Variants in SEC24A observed in about 807,000 individuals in gnomAD.
SEC24A encodes the protein protein transport protein Sec24A.
SEC24A carries 93 observed loss-of-function variants against 129.4 expected under a neutral mutation model. The ratio of observed to expected loss-of-function variants is 0.72; its 90% CI spans 0.61 to 0.85. The LOEUF (loss-of-function observed/expected upper bound fraction) is 0.85. Ranked by LOEUF, SEC24A falls within the 40% of genes least tolerant of loss-of-function variation. The pLI is 0.00. For missense variants in SEC24A, 1,264 were observed against 1,307.4 expected (o/e 0.97, Z 0.51); for synonymous variants, 460 against 467.3 (o/e 0.98, Z 0.20).
At chr5:134,693,015 C>G in intron 12 of SEC24A, 1 of 1,535,178 alleles carries the variant, frequency 6.5e-7, no homozygotes, top group Non-Finnish European at 8.7e-7. Context: ...GTGCCCTTTG[C>G]TTTTCTGATT....
chr5:134,713,209 G>T (rs943075438), intron 18 of SEC24A, among the ~76,000 whole-genome samples: 1 of 151,988 alleles, frequency 6.6e-6, no homozygotes, highest in Admixed American at 6.6e-5. Context: ...GGGATTATAG[G>T]CGTGAGCCAC....
At chr5:134,709,925 A>C (rs1752270927) in intron 18 of SEC24A, among the ~76,000 whole-genome samples, 1 of 151,930 alleles carries the variant, frequency 6.6e-6, no homozygotes, top group South Asian at 2.1e-4. Flanking sequence ...TTTGAGACAG[A>C]GTCTTGCTCT....
Position 134,649,126 on chromosome 5 carries a change from A to G in SEC24A, c.50A>G (p.Gln17Arg), listed in dbSNP as rs764678742. 1.9e-6 allele frequency: 3 copies of G among 1,609,928 alleles called. No individual in the cohort carries two copies. The highest frequency in any genetic ancestry group is 2.5e-6 in the Non-Finnish European group (3 of 1,178,284). Residue 17 changes from glutamine (Q) to arginine (R), a missense_variant, in exon 1 of 23, where the codon CAG becomes CGG. By Grantham distance (43) the Gln-to-Arg change is conservative. Coordinates refer to ENST00000398844, the MANE Select transcript of SEC24A (RefSeq NM_021982.3). ...PASGGAPASL[Q>R]AQNGAALASG... ...TCCGGCGGCGCCCCAGCCAGCCTCC[A>G]GGCCCAGAACGGAGCCGCCTTGGCC...
chr5:134,715,299 C>T, intron 19 of SEC24A, 138 bp downstream of exon 19: 1 of 772,594 alleles, frequency 1.3e-6, no homozygotes, highest in South Asian at 2.1e-5. Context: ...TTGGCTAAGT[C>T]TGAGTAAATA....
chr5:134,680,629 C>G (rs923150200), intron 8 of SEC24A, among the ~76,000 whole-genome samples: 1 of 151,572 alleles, frequency 6.6e-6, no homozygotes, highest in Non-Finnish European at 1.5e-5. Flanking sequence ...CCACTGCACC[C>G]GGCCAAGAGT....
At chr5:134,719,464 G>T (rs759008305) in intron 20 of SEC24A, among the ~76,000 whole-genome samples, 4 of 151,852 alleles carry the variant, frequency 2.6e-5, no homozygotes, top group Non-Finnish European at 4.4e-5. Flanking sequence ...GGCCGAGGAT[G>T]GCAGATTCCT....
Position 134,654,511 on chromosome 5 carries a change from C to G in SEC24A, c.97+5338C>G, listed in dbSNP as rs111486676. ...CTGGGATTACAGGCGTGAGCCACTGCGCCCAGCTGAGAGGTTTTTCTAAGT... is the reference window on the plus strand; with the variant it reads ...CTGGGATTACAGGCGTGAGCCACTGGGCCCAGCTGAGAGGTTTTTCTAAGT... On this transcript the variant is annotated intron_variant, in intron 1 of 22. Transcript: ENST00000398844. Among the ~76,000 whole-genome samples the G allele has an allele frequency of 3.7e-3, 558 of 152,126 alleles. 3 individuals carry two copies. Among genetic ancestry groups the G allele is most frequent in the African/African-American group, 0.013 (534 of 41,510 alleles).
intron 11 of SEC24A, among the ~76,000 whole-genome samples, chr5:134,691,245 T>C (rs537747481): frequency 7.4e-5 from 11 of 148,598 alleles, no homozygotes; most frequent in African/African-American, 2.5e-4. Flanking sequence ...TCTTGGTGGC[T>C]CACTGCAAAC....
rs148113327 is a variant in SEC24A at position 134,656,328 on chromosome 5, T to A, written c.98-4791T>A. 1.4e-3 allele frequency among the ~76,000 whole-genome samples: 215 copies of A among 152,242 alleles called. 1 individual carries two copies. Among genetic ancestry groups the A allele is most frequent in the African/African-American group, 4.1e-3 (171 of 41,546 alleles). ...CTCCTGACCTCATGATCTGCCCGCC[T>A]TGACCTCCCAAAGTGCTGGGATTAC... On this transcript the variant is annotated intron_variant, in intron 1 of 22. Transcript: ENST00000398844.
intron 21 of SEC24A, 57 bp downstream of exon 21, chr5:134,721,147 G>T: frequency 3.1e-6 from 3 of 976,282 alleles, no homozygotes; most frequent in Non-Finnish European, 1.6e-6. Context: ...GCAAAAACAT[G>T]AATATCCCCT....
chr5:134,711,496 A>G (rs372750762), intron 18 of SEC24A, among the ~76,000 whole-genome samples: 141 of 152,096 alleles, frequency 9.3e-4, no homozygotes, highest in African/African-American at 3.1e-3. Flanking sequence ...AGCCTGGACA[A>G]CATAGTGAGA....
Position 134,724,972 on chromosome 5 carries a change from T to C in SEC24A, c.3168-8T>C. On this transcript the variant is annotated splice_polypyrimidine_tract_variant and splice_region_variant and intron_variant, in intron 22 of 22. Coordinates refer to ENST00000398844, the MANE Select transcript of SEC24A (RefSeq NM_021982.3). ...TTTATCTAAATTTTTTTGCCTTTTA[T>C]TCCTAAGGGATGAGAGTCCAATGAA... is the stretch of plus-strand genomic sequence containing the variant. 6.5e-7 allele frequency: 1 copy of C among 1,534,246 alleles called. No homozygotes were observed. The highest frequency in any genetic ancestry group is 9.0e-7 in the Non-Finnish European group (1 of 1,110,890).
intron 2 of SEC24A, among the ~76,000 whole-genome samples, chr5:134,662,280 G>A (rs1346317958): frequency 6.6e-6 from 1 of 151,644 alleles, no homozygotes; most frequent in African/African-American, 2.4e-5. Context: ...TCAGCCTCCC[G>A]AGTAGCTGGG....
chr5:134,676,969 A>G (rs1751088372), intron 7 of SEC24A, among the ~76,000 whole-genome samples: 1 of 152,208 alleles, frequency 6.6e-6, no homozygotes, highest in African/African-American at 2.4e-5. Flanking sequence ...AGGTACTGAG[A>G]GAAACTAAAT....
chr5:134,708,039 T>A (rs1215703190), intron 17 of SEC24A, among the ~76,000 whole-genome samples: 1 of 151,854 alleles, frequency 6.6e-6, no homozygotes, highest in Admixed American at 6.6e-5. Context: ...TGAGGCAGGA[T>A]AATTGCTTGA....
chr5:134,683,776 A>G (rs1325461807), intron 9 of SEC24A, among the ~76,000 whole-genome samples: 1 of 152,226 alleles, frequency 6.6e-6, no homozygotes, highest in Non-Finnish European at 1.5e-5. Flanking sequence ...TTTATAAAGC[A>G]CGTACACTTT....
chr5:134,709,818 AAAG>A (rs1752267464), intron 18 of SEC24A, among the ~76,000 whole-genome samples: 1 of 152,052 alleles, frequency 6.6e-6, no homozygotes. Context: ...TTTTTTTTAA[AAAG>A]AAGAGACCAT....
intron 1 of SEC24A, among the ~76,000 whole-genome samples, chr5:134,660,185 GTC>G (rs1385002004): frequency 6.8e-6 from 1 of 148,010 alleles, no homozygotes; most frequent in Non-Finnish European, 1.5e-5. Context: ...AACATAGTGA[GTC>G]TCTGTCTCTA....
intron 1 of SEC24A, among the ~76,000 whole-genome samples, chr5:134,654,411 G>A (rs1426868725): frequency 6.6e-6 from 1 of 151,866 alleles, no homozygotes; most frequent in African/African-American, 2.4e-5. Context: ...TAGTAGAGAC[G>A]GGGTTTCACC....
Sources: allele counts gnomAD v4.1 joint callset (sites outside exome capture counted in the v4.1 genomes callset), GRCh38; gene constraint gnomAD v4.1.1; transcripts MANE v1.5; gene names NCBI Gene and HGNC (gene_info 2026-07-23, HGNC 2026-07-21).